The following NPAS3 variants were observed in gnomAD, a reference collection of about 807,000 sequenced individuals.
NPAS3 encodes neuronal PAS domain-containing protein 3.
NPAS3 carries 14 observed loss-of-function variants against 73.1 expected under a neutral mutation model. The observed-to-expected ratio is 0.19, with a 90% CI of 0.13 to 0.30. NPAS3 has a LOEUF of 0.30. Among genes scored for constraint, NPAS3 ranks in the 10% least tolerant of loss-of-function variants. NPAS3 has a pLI of 1.00. For synonymous variants in NPAS3, 620 were observed against 541.5 expected, an observed-to-expected ratio of 1.14 and a Z score of -2.01; for missense variants, 1,096 against 1,250.0, an observed-to-expected ratio of 0.88 and a Z score of 1.86.
chr14:33,112,472 T>TGTCTTG (rs2042927616), intron 2 of NPAS3, among the ~76,000 whole-genome samples: 1 of 152,168 alleles, frequency 6.6e-6, no homozygotes, highest in Non-Finnish European at 1.5e-5. Context: ...TGTCTTCTTT[T>TGTCTTG]GAGAAGTGTC....
In NPAS3 at chr14:32,964,812, C is replaced by CAA. The variant is rs35728329; in HGVS notation, c.50+25457_50+25458dup. Reference sequence around the variant, plus strand: ...CAACATAGCAAGACCCCTGTCTCTACAAAAAAAAAAAAGAAGAAGATTAGC... The same window carrying CAA: ...CAACATAGCAAGACCCCTGTCTCTACAAAAAAAAAAAAAAGAAGAAGATTAGC... On this transcript the variant is annotated intron_variant, in intron 1 of 11. Transcript: ENST00000356141. Among the ~76,000 whole-genome samples, 182 of 139,462 alleles carry CAA rather than the reference C, an allele frequency of 1.3e-3. 1 individual carries two copies. The highest frequency in any genetic ancestry group is 1.8e-3 in the East Asian group (9 of 4,868). The allele number at this position is 139,462 out of a possible 152,430, so 91.5% of individuals were successfully genotyped here. A position where few individuals can be genotyped will look rare whatever the true frequency, so the allele number is the denominator to read the frequency against.
chr14:32,938,526 G>GAGAGAGAGAGAGAGGGAGAGAGAGAA (rs2035800805), upstream of NPAS3, among the ~76,000 whole-genome samples: 1 of 25,390 alleles, frequency 3.9e-5, no homozygotes, highest in Non-Finnish European at 9.0e-5. Flanking sequence ...AGAGAGAGAA[G>GAGAGAGAGAGAGAGGGAGAGAGAGAA]GGGGGGGAGG....
At chr14:33,037,415 CAGG>C (rs1279541592) in intron 1 of NPAS3, among the ~76,000 whole-genome samples, 7 of 147,466 alleles carry the variant, frequency 4.7e-5, no homozygotes, top group Non-Finnish European at 1.0e-4. Flanking sequence ...GAGGCAAGGG[CAGG>C]AGGATAGTTT....
In NPAS3 at chr14:33,800,533, C is replaced by T; in HGVS notation, c.2226C>T (p.Val742=). The change falls in exon 12 of 12, where the codon GTC becomes GTT. Residue 742 remains valine (V), a synonymous_variant. Transcript: ENST00000356141. This position sits in a 1 kb window ranked among gnomAD's most constrained non-coding sequence, Gnocchi z 6.5. ...CGGCCACCGCGGCCCTGGCCCCCGT[C>T]GCCTCCGACCCGCTGTCACCCCCGC... The T allele has an allele frequency of 8.8e-6, 12 of 1,367,760 alleles. No individual in the cohort carries two copies. Among genetic ancestry groups the T allele is most frequent in the Non-Finnish European group, 1.1e-5 (12 of 1,068,034 alleles). 84.7% of individuals were successfully genotyped at this position (1,367,760 alleles called of 1,614,324 possible).
chr14:33,617,908 G>GA (rs146172123), intron 5 of NPAS3, among the ~76,000 whole-genome samples: 4,516 of 149,070 alleles, frequency 0.03, 115 homozygotes, highest in East Asian at 0.15. Context: ...AGCAGTTAAA[G>GA]AAAAAAAAAA....
chr14:32,945,184 T>C (rs146033638), intron 1 of NPAS3, among the ~76,000 whole-genome samples: 1 of 152,178 alleles, frequency 6.6e-6, no homozygotes, highest in African/African-American at 2.4e-5. Context: ...GTTAGCTTAG[T>C]GTTCTGTGAG....
At chr14:33,118,780 C>A (rs2043143629) in intron 2 of NPAS3, among the ~76,000 whole-genome samples, 1 of 151,826 alleles carries the variant, frequency 6.6e-6, no homozygotes. Flanking sequence ...GAAAATAAGT[C>A]CAGAAGGCTG....
At chr14:33,332,330 A>G (rs1217280901) in intron 3 of NPAS3, among the ~76,000 whole-genome samples, 1 of 152,220 alleles carries the variant, frequency 6.6e-6, no homozygotes, top group East Asian at 1.9e-4. Context: ...TATTTCTAAA[A>G]AATTCAGATT....
intron 4 of NPAS3, among the ~76,000 whole-genome samples, chr14:33,421,312 C>G (rs1485294004): frequency 6.6e-6 from 1 of 151,794 alleles, no homozygotes; most frequent in East Asian, 1.9e-4. Flanking sequence ...CACTACAGCC[C>G]ATCACATTCA....
chr14:33,388,907 A>G (rs2046886103), intron 4 of NPAS3, among the ~76,000 whole-genome samples: 1 of 152,172 alleles, frequency 6.6e-6, no homozygotes, highest in Non-Finnish European at 1.5e-5. Context: ...GATTGTGCCT[A>G]GCAAATAGTA....
chr14:33,653,950 G>A (rs760259010), intron 5 of NPAS3, among the ~76,000 whole-genome samples: 17 of 152,126 alleles, frequency 1.1e-4, no homozygotes, highest in Non-Finnish European at 2.2e-4. Flanking sequence ...TGATTTCTGT[G>A]GTTTGTTCAC....
chr14:33,395,520 A>G (rs1384006996), intron 4 of NPAS3, among the ~76,000 whole-genome samples: 1 of 152,130 alleles, frequency 6.6e-6, no homozygotes, highest in African/African-American at 2.4e-5. Context: ...TATCTATCTG[A>G]AGTATGCATA....
intron 1 of NPAS3, among the ~76,000 whole-genome samples, chr14:32,991,889 G>A (rs949143740): frequency 1.1e-4 from 16 of 152,174 alleles, no homozygotes; most frequent in African/African-American, 2.4e-4. Context: ...GGGCAGATCC[G>A]TCTCTCTCGG....
chr14:32,998,472 T>A (rs763636121), intron 1 of NPAS3, among the ~76,000 whole-genome samples: 14 of 152,186 alleles, frequency 9.2e-5, no homozygotes, highest in Non-Finnish European at 1.8e-4. Context: ...TTCACATCTC[T>A]TTCAGTAAAT....
At chr14:33,676,300 T>A (rs2059763860) in exon 6 of NPAS3, 2 of 1,613,126 alleles carry the variant, frequency 1.2e-6, no homozygotes, top group Non-Finnish European at 1.7e-6. Flanking sequence ...AGCTCCCCCC[T>A]GGGCGGGGTC....
At chr14:33,247,220 ATTATC>A (rs2048424610) in intron 3 of NPAS3, among the ~76,000 whole-genome samples, 1 of 152,126 alleles carries the variant, frequency 6.6e-6, no homozygotes, top group Non-Finnish European at 1.5e-5. Flanking sequence ...TTAATGTGAT[ATTATC>A]TTTTGCATTT....
At chr14:33,681,885 A>ACAAG (rs2059949244) in intron 6 of NPAS3, among the ~76,000 whole-genome samples, 1 of 70,378 alleles carries the variant, frequency 1.4e-5, no homozygotes, top group African/African-American at 1.8e-4. Context: ...AGGGTAAGTG[A>ACAAG]CAAACAGTGT....
chr14:32,965,708 G>A (rs2037123956), intron 1 of NPAS3, among the ~76,000 whole-genome samples: 1 of 152,172 alleles, frequency 6.6e-6, no homozygotes, highest in African/African-American at 2.4e-5. Flanking sequence ...ATCCTAGCCA[G>A]AGCAATTAGA....
chr14:33,505,148 A>G (rs2139953377), intron 4 of NPAS3, among the ~76,000 whole-genome samples: 1 of 152,124 alleles, frequency 6.6e-6, no homozygotes, highest in East Asian at 1.9e-4. Context: ...ATTTTTGGCA[A>G]AAGTTTGTTA....
Sources: gnomAD v4.1 joint callset for allele counts (sites outside exome capture counted in the v4.1 genomes callset) on GRCh38, gnomAD v4.1.1 for gene constraint, Gnocchi (gnomAD v3.1) non-coding constraint, MANE v1.5 for transcripts, NCBI Gene and HGNC (gene_info 2026-07-23, HGNC 2026-07-21) for gene names.